Variants in PDE6A observed in about 807,000 individuals in gnomAD.
PDE6A encodes the protein rod cGMP-specific 3',5'-cyclic phosphodiesterase subunit alpha.
In PDE6A, 84 loss-of-function variants were observed where a neutral mutation model predicts 106.3. The ratio of observed to expected loss-of-function variants is 0.79; its 90% CI spans 0.66 to 0.95. PDE6A has a LOEUF of 0.95. Among genes scored for constraint, PDE6A ranks in the 40% least tolerant of loss-of-function variants. PDE6A has a pLI of 0.00. For synonymous variants in PDE6A, 394 were observed against 386.6 expected, an observed-to-expected ratio of 1.02 and a Z score of -0.23; for missense variants, 1,052 against 1,084.9, an observed-to-expected ratio of 0.97 and a Z score of 0.43.
chr5:149,920,979 A>AAAGAAAGAAAGAAAG (rs1753698678), intron 5 of PDE6A, among the ~76,000 whole-genome samples: 1 of 133,038 alleles, frequency 7.5e-6, no homozygotes, highest in Non-Finnish European at 1.5e-5. Flanking sequence ...AGAAAGAAAG[A>AAAGAAAGAAAGAAAG]AAGAAAGAAA....
chr5:149,868,038 G>C lies in PDE6A; in HGVS notation c.2199+57C>G. On this transcript the variant is annotated intron_variant, in intron 18 of 21. Transcript: ENST00000255266. ...TGGGCTGAGAGAGTCCAAGCCTCAT[G>C]ACCTGATGCCCCCAGTACTGGGATG... The C allele has an allele frequency of 4.6e-6, 7 of 1,531,994 alleles. No homozygotes were observed. In the South Asian group the frequency reaches 7.8e-5, roughly 17 times the overall value. 94.9% of individuals were successfully genotyped at this position (1,531,994 alleles called of 1,614,324 possible). A position where few individuals can be genotyped will look rare whatever the true frequency, so the allele number is the denominator to read the frequency against.
intron 17 of PDE6A, among the ~76,000 whole-genome samples, chr5:149,868,962 G>GT (rs1231524136): frequency 1.3e-5 from 2 of 151,938 alleles, no homozygotes; most frequent in Admixed American, 6.6e-5. Context: ...AATTTAAAAG[G>GT]TAAAAAAAAG....
intron 4 of PDE6A, among the ~76,000 whole-genome samples, chr5:149,924,040 T>C (rs140940990): frequency 1.1e-4 from 16 of 152,314 alleles, no homozygotes; most frequent in Admixed American, 4.6e-4. Context: ...GGAAGAAATT[T>C]AATTCTAGGT....
At chr5:149,868,231 T>A in intron 17 of PDE6A, 73 bp from the exon 18 acceptor site, 1 of 1,426,952 alleles carries the variant, frequency 7.0e-7, no homozygotes, top group Non-Finnish European at 9.9e-7. Context: ...TCCATCTCTC[T>A]CACCTTTCTC....
At chr5:149,918,942 T>C (rs1753629674) in intron 5 of PDE6A, among the ~76,000 whole-genome samples, 2 of 152,134 alleles carry the variant, frequency 1.3e-5, no homozygotes, top group Non-Finnish European at 2.9e-5. Context: ...TTCTTAAAAA[T>C]ATTTTTAAAT....
chr5:149,934,677 G>C lies in PDE6A; in HGVS notation c.516C>G (p.Tyr172Ter). The C allele has an allele frequency of 6.2e-7, 1 of 1,614,000 alleles. No individual in the cohort carries two copies. Among genetic ancestry groups the C allele is most frequent in the Non-Finnish European group, 8.5e-7 (1 of 1,179,976 alleles). ...GGGAAGCCAAGATGTTCTTGGTCTT[G>C]TACTCTGTGAGGATGTCCACAAAGT... ...FCDFVDILTEYKTKNILASPI... is the reference protein window; with the variant it reads ...FCDFVDILTE Residue 172 changes from tyrosine (Y) to a stop codon, truncating the protein, a stop_gained, in exon 2 of 22, where the codon TAC becomes TAG. Coordinates refer to ENST00000255266, the MANE Select transcript of PDE6A (RefSeq NM_000440.3). LOFTEE classifies it high-confidence loss of function.
rs1665868332 is a variant in PDE6A, at chr5:149,863,401, T to TA, written c.2359-136dup. On this transcript the variant is annotated intron_variant, in intron 20 of 21. Transcript: ENST00000255266. The surrounding 1 kb of genome is among the most constrained non-coding windows in gnomAD (Gnocchi z 4.7). Reference sequence around the variant, plus strand: ...AGCAGGCCTCCCGCCACCGTGCTGATACTGCAGGGCCTCCGGTCTACACCA... The same window carrying TA: ...AGCAGGCCTCCCGCCACCGTGCTGATAACTGCAGGGCCTCCGGTCTACACCA... 3.6e-6 allele frequency: 3 copies of TA among 842,030 alleles called. No individual in the cohort carries two copies. The highest frequency in any genetic ancestry group is 5.9e-6 in the Non-Finnish European group (3 of 511,834). 52.2% of individuals were successfully genotyped at this position (842,030 alleles called of 1,614,324 possible).
intron 17 of PDE6A, among the ~76,000 whole-genome samples, chr5:149,877,484 A>T (rs1396061106): frequency 6.6e-6 from 1 of 152,182 alleles, no homozygotes; most frequent in Non-Finnish European, 1.5e-5. Flanking sequence ...ATCTTAGCTC[A>T]CTGCAACCTC....
chr5:149,911,550 T>C (rs987074288), intron 6 of PDE6A, among the ~76,000 whole-genome samples: 8 of 152,202 alleles, frequency 5.3e-5, no homozygotes, highest in African/African-American at 1.9e-4. Context: ...AACTTTGTCA[T>C]GTCTGCCATG....
intron 6 of PDE6A, among the ~76,000 whole-genome samples, chr5:149,909,493 C>A (rs1236391077): frequency 6.6e-6 from 1 of 152,164 alleles, no homozygotes; most frequent in African/African-American, 2.4e-5. Context: ...GGTAGTAGCT[C>A]CCCCACTAAT....
At chr5:149,920,442 A>G (rs1274255461) in intron 5 of PDE6A, among the ~76,000 whole-genome samples, 1 of 152,088 alleles carries the variant, frequency 6.6e-6, no homozygotes, top group Admixed American at 6.5e-5. Context: ...TTAGCCAGGT[A>G]TGGTGGCAGG....
chr5:149,905,785 T>C (rs956261040), intron 7 of PDE6A, among the ~76,000 whole-genome samples: 1 of 152,256 alleles, frequency 6.6e-6, no homozygotes, highest in African/African-American at 2.4e-5. Context: ...AATGATGCTC[T>C]GGTTACTTTG....
intron 17 of PDE6A, among the ~76,000 whole-genome samples, chr5:149,881,906 A>G (rs944823720): frequency 6.6e-6 from 1 of 150,480 alleles, no homozygotes; most frequent in African/African-American, 2.5e-5. Flanking sequence ...TACAAAAATT[A>G]GCCAGGTATA....
intron 7 of PDE6A, among the ~76,000 whole-genome samples, chr5:149,904,420 C>T (rs1231536588): frequency 6.6e-6 from 1 of 152,122 alleles, no homozygotes; most frequent in African/African-American, 2.4e-5. Flanking sequence ...GGTAAGGGAT[C>T]AGATGACACT....
At chr5:149,940,090 T>C (rs547462429) in intron 1 of PDE6A, 1 of 152,238 alleles carries the variant, frequency 6.6e-6, no homozygotes, top group South Asian at 2.1e-4. Context: ...TATAACTGGC[T>C]GTGATCAATT....
intron 7 of PDE6A, among the ~76,000 whole-genome samples, chr5:149,904,616 G>A (rs1474179971): frequency 2.6e-5 from 4 of 152,108 alleles, no homozygotes; most frequent in African/African-American, 9.7e-5. Context: ...TCTCAAAAAG[G>A]CACCACCTGG....
rs1327535442 is a variant in PDE6A at position 149,889,300 on chromosome 5, T to C, written c.1729-2926A>G. ...CCTAGGAAACAAAGATTCTGTGCTT[T>C]ACCAAATTAATTTCCTGTACTCCAG... On this transcript the variant is annotated intron_variant, in intron 13 of 21. Transcript: ENST00000255266. 3.9e-5 allele frequency among the ~76,000 whole-genome samples: 6 copies of C among 152,156 alleles called. No homozygotes were observed. The East Asian group carries it at 1.2e-3, about 29-fold the overall frequency.
intron 17 of PDE6A, among the ~76,000 whole-genome samples, chr5:149,870,753 C>T (rs1760503907): frequency 8.2e-6 from 1 of 121,452 alleles, no homozygotes; most frequent in Non-Finnish European, 1.6e-5. Flanking sequence ...AGGTCATAGT[C>T]ACTCAAGGAA....
At chr5:149,903,598 G>C in intron 8 of PDE6A, 50 bp downstream of exon 8, 1 of 1,414,392 alleles carries the variant, frequency 7.1e-7, no homozygotes, top group Non-Finnish European at 1.0e-6. Context: ...ATGCTCTTTG[G>C]GGAGGAAAAA....
Sources: gnomAD v4.1 joint callset for allele counts (sites outside exome capture counted in the v4.1 genomes callset) on GRCh38, gnomAD v4.1.1 for gene constraint, Gnocchi (gnomAD v3.1) non-coding constraint, MANE v1.5 for transcripts, NCBI Gene and HGNC (gene_info 2026-07-23, HGNC 2026-07-21) for gene names.